The following MBOAT1 variants were observed in gnomAD, a reference collection of about 807,000 sequenced individuals.
The protein encoded by MBOAT1 is membrane-bound glycerophospholipid O-acyltransferase 1.
Under a neutral mutation model 64.4 loss-of-function variants are expected in MBOAT1, and 67 were observed. The observed-to-expected ratio is 1.04, with a 90% confidence interval of 0.85 to 1.27. MBOAT1 has a LOEUF of 1.27. Among genes scored for constraint, MBOAT1 ranks in the 50% most tolerant of loss-of-function variants. The probability of loss-of-function intolerance (pLI) is 0.00; values close to 1 mark genes in which losing one functional copy is unlikely to be tolerated. For synonymous variants in MBOAT1, 229 were observed against 218.9 expected, an observed-to-expected ratio of 1.05 and a Z score of -0.41; for missense variants, 563 against 604.6, an observed-to-expected ratio of 0.93 and a Z score of 0.72.
intron 12 of MBOAT1, among the ~76,000 whole-genome samples, chr6:20,105,533 G>A (rs1759926867): frequency 6.6e-6 from 1 of 152,268 alleles, no homozygotes. Context: ...GGGAGGCCAA[G>A]GTGGGTAGAT....
intron 1 of MBOAT1, among the ~76,000 whole-genome samples, chr6:20,192,252 T>G (rs1762823290): frequency 6.6e-6 from 1 of 152,210 alleles, no homozygotes; most frequent in African/African-American, 2.4e-5. Flanking sequence ...AAAAATTTTT[T>G]TCTTTCCATC....
chr6:20,146,415 C>G (rs971574343), intron 3 of MBOAT1, among the ~76,000 whole-genome samples: 2 of 152,188 alleles, frequency 1.3e-5, no homozygotes, highest in African/African-American at 4.8e-5. Flanking sequence ...AAAGAAGTTA[C>G]TATGCAGAAA....
intron 1 of MBOAT1, among the ~76,000 whole-genome samples, chr6:20,168,259 A>T (rs543213674): frequency 2.0e-5 from 3 of 152,286 alleles, no homozygotes; most frequent in South Asian, 4.1e-4. Context: ...AAGCAGCATG[A>T]ATCAACTAAA....
At chr6:20,130,419 T>A (rs2113658723) in intron 5 of MBOAT1, among the ~76,000 whole-genome samples, 1 of 152,274 alleles carries the variant, frequency 6.6e-6, no homozygotes. Flanking sequence ...AGTGGCGCGA[T>A]CTCGGCTCAC....
intron 11 of MBOAT1, among the ~76,000 whole-genome samples, chr6:20,111,880 G>GTA (rs1425039678): frequency 5.3e-4 from 21 of 39,920 alleles, no homozygotes; most frequent in Admixed American, 7.9e-4. Context: ...ATATATATAT[G>GTA]TATATATATA....
At chr6:20,114,973 A>G (rs1407141911) in intron 10 of MBOAT1, among the ~76,000 whole-genome samples, 3 of 152,180 alleles carry the variant, frequency 2.0e-5, no homozygotes, top group Non-Finnish European at 4.4e-5. Context: ...CAAGTGACAT[A>G]ACCTCTCTGG....
At chr6:20,143,428 A>G (rs1761238517) in intron 4 of MBOAT1, among the ~76,000 whole-genome samples, 1 of 152,244 alleles carries the variant, frequency 6.6e-6, no homozygotes, top group Non-Finnish European at 1.5e-5. Flanking sequence ...GGCAGTCAGG[A>G]ACACTCAAAG....
intron 4 of MBOAT1, among the ~76,000 whole-genome samples, chr6:20,134,690 C>A (rs1760925355): frequency 6.6e-6 from 1 of 152,128 alleles, no homozygotes. Context: ...AAAACAAGTT[C>A]TCTCTGAACA....
chr6:20,198,663 T>G (rs1454631678), intron 1 of MBOAT1, among the ~76,000 whole-genome samples: 2 of 152,230 alleles, frequency 1.3e-5, no homozygotes, highest in African/African-American at 4.8e-5. Flanking sequence ...CTAGAAACTT[T>G]GCAGCAGGGA....
intron 1 of MBOAT1, among the ~76,000 whole-genome samples, chr6:20,155,172 A>G (rs1581429594): frequency 6.6e-6 from 1 of 152,218 alleles, no homozygotes; most frequent in East Asian, 1.9e-4. Flanking sequence ...CCCGACCAAC[A>G]GCATCCACGT....
intron 5 of MBOAT1, among the ~76,000 whole-genome samples, chr6:20,130,519 A>G (rs1471374924): frequency 6.6e-6 from 1 of 151,858 alleles, no homozygotes; most frequent in Non-Finnish European, 1.5e-5. Flanking sequence ...ACGCCTAGCT[A>G]ATTTTTGTAT....
Position 20,109,714 on chromosome 6 carries a change from T to G in MBOAT1, c.1245A>C (p.Ser415=). ...CATCATACACAGCCTTGAGAGCTCT[T>G]GAAGAAAGGAAGTAATGTCTGTAGT... ...RNNYRHYFLS[S]RALKAVYDAG... The change falls in exon 12 of 13, where the codon TCA becomes TCC. Residue 415 remains serine, a synonymous_variant. Coordinates refer to ENST00000324607, the MANE Select transcript of MBOAT1 (RefSeq NM_001080480.3). The G allele has an allele frequency of 6.2e-7, 1 of 1,613,980 alleles. No individual in the cohort carries two copies. The highest frequency in any genetic ancestry group is 1.1e-5 in the South Asian group (1 of 91,074).
intron 1 of MBOAT1, among the ~76,000 whole-genome samples, chr6:20,156,491 A>C (rs1399224981): frequency 6.6e-6 from 1 of 152,182 alleles, no homozygotes; most frequent in Non-Finnish European, 1.5e-5. Context: ...CAAAAGTAGA[A>C]ACACACAACA....
At chr6:20,162,657 T>C (rs763734683) in intron 1 of MBOAT1, among the ~76,000 whole-genome samples, 1 of 152,242 alleles carries the variant, frequency 6.6e-6, no homozygotes, top group Non-Finnish European at 1.5e-5. Context: ...GATGTGCTAC[T>C]GAGAAAACTC....
At chr6:20,191,652 A>G (rs1392023965) in intron 1 of MBOAT1, among the ~76,000 whole-genome samples, 1 of 152,192 alleles carries the variant, frequency 6.6e-6, no homozygotes, top group African/African-American at 2.4e-5. Context: ...GAACAGCAAA[A>G]TAAGTCCCCT....
intron 1 of MBOAT1, among the ~76,000 whole-genome samples, chr6:20,172,741 C>T (rs1019535599): frequency 4.6e-5 from 7 of 152,238 alleles, no homozygotes; most frequent in Non-Finnish European, 7.3e-5. Context: ...TCTACACAGA[C>T]CATCAATAGC....
rs567476804 is a variant in MBOAT1, at chr6:20,175,723, C to T, written c.100-22954G>A. Among the ~76,000 whole-genome samples, 744 of 151,720 alleles carry T rather than the reference C, an allele frequency of 4.9e-3. 11 individuals are homozygous for T. Among genetic ancestry groups the T allele is most frequent in the African/African-American group, 0.017 (719 of 41,336 alleles). ...CTGAGCTCAGGCAATCCACTCGCCT[C>T]GGCCTCCCAAAGTGCTAGGATTACA... On this transcript the variant is annotated intron_variant, in intron 1 of 12. Coordinates refer to ENST00000324607, the MANE Select transcript of MBOAT1 (RefSeq NM_001080480.3).
intron 1 of MBOAT1, among the ~76,000 whole-genome samples, chr6:20,196,173 C>A (rs1351370260): frequency 1.3e-5 from 2 of 152,190 alleles, no homozygotes; most frequent in Admixed American, 6.5e-5. Flanking sequence ...GCAGCAAATG[C>A]AATTTAAGTG....
chr6:20,174,806 A>C (rs1762295632), intron 1 of MBOAT1, among the ~76,000 whole-genome samples: 1 of 152,152 alleles, frequency 6.6e-6, no homozygotes, highest in South Asian at 2.1e-4. Context: ...AGTTCCATTC[A>C]CAGGATCCAC....
Sources: gnomAD v4.1 joint callset for allele counts (sites outside exome capture counted in the v4.1 genomes callset) on GRCh38, gnomAD v4.1.1 for gene constraint, MANE v1.5 for transcripts, NCBI Gene and HGNC (gene_info 2026-07-23, HGNC 2026-07-21) for gene names.